ZNF540: variants seen among roughly 807,000 people sequenced by gnomAD.
ZNF540 encodes the protein CTD-3064H18.6.
A neutral mutation model predicts 11.8 loss-of-function variants in ZNF540; 3 were observed. That is an observed-to-expected ratio of 0.25 (90% CI 0.12 to 0.65). ZNF540 has a LOEUF of 0.65. Ranked by LOEUF, ZNF540 falls within the 30% of genes least tolerant of loss-of-function variation. The pLI, the probability that ZNF540 is intolerant of heterozygous loss-of-function variation, is 0.83. For synonymous variants in ZNF540, 247 were observed against 259.0 expected, an observed-to-expected ratio of 0.95 and a Z score of 0.45; for missense variants, 709 against 793.1, an observed-to-expected ratio of 0.89 and a Z score of 1.27.
rs1168989375 is a variant in ZNF540 at position 37,613,988 on chromosome 19, A to C, written c.*725A>C. ...CATGAGGTTACAGCAAGAAGTCAGC[A>C]GTCTACAGTGCAAAAGAGGGCCTTC... is the stretch of plus-strand genomic sequence containing the variant. On this transcript the variant is annotated 3_prime_UTR_variant, in exon 5 of 5. Transcript: ENST00000316433. The C allele has an allele frequency of 5.0e-6, 2 of 397,014 alleles. No homozygotes were observed. Among genetic ancestry groups the C allele is most frequent in the Non-Finnish European group, 8.9e-6 (2 of 225,378 alleles). 24.6% of individuals were successfully genotyped at this position (397,014 alleles called of 1,614,324 possible).
At chr19:37,588,099 C>CAAAAAAAAAAAAAAA (rs58516591) in intron 1 of ZNF540, among the ~76,000 whole-genome samples, 1 of 45,742 alleles carries the variant, frequency 2.2e-5, no homozygotes, top group African/African-American at 8.6e-5. Context: ...GACTCCATCT[C>CAAAAAAAAAAAAAAA]AAAAAAAAAA....
At chr19:37,552,633 A>C (rs2147133004) in intron 1 of ZNF540, among the ~76,000 whole-genome samples, 1 of 152,254 alleles carries the variant, frequency 6.6e-6, no homozygotes, top group Non-Finnish European at 1.5e-5. Flanking sequence ...ATCCCTGGTA[A>C]TATTCTTTGT....
Position 37,586,424 on chromosome 19 carries a change from C to A in ZNF540, c.-72-11952C>A, listed in dbSNP as rs2043675171. On this transcript the variant is annotated intron_variant, in intron 1 of 4. Coordinates refer to the ZNF540 transcript ENST00000592533. ...ATTTCTGTTCCCTCAGAGCTCTGGG[C>A]AGAAGACTATGCCTGTGGACAATGT... 5.4e-6 allele frequency: 3 copies of A among 551,906 alleles called. No individual in the cohort carries two copies. In the South Asian group the frequency reaches 7.2e-5, roughly 13 times the overall value. 34.2% of individuals were successfully genotyped at this position (551,906 alleles called of 1,614,324 possible).
intron 4 of ZNF540, among the ~76,000 whole-genome samples, chr19:37,609,871 AAAAAG>A (rs1202915015): frequency 6.6e-6 from 1 of 152,130 alleles, no homozygotes; most frequent in Non-Finnish European, 1.5e-5. Flanking sequence ...AGAAAGAAAA[AAAAAG>A]AAAAGAAAAA....
chr19:37,556,648 C>A (rs936380130), intron 1 of ZNF540, among the ~76,000 whole-genome samples: 1 of 152,190 alleles, frequency 6.6e-6, no homozygotes, highest in African/African-American at 2.4e-5. Context: ...AGGATGATAT[C>A]TTGTACCTGT....
chr19:37,599,587 C>G (rs1250090255), intron 2 of ZNF540, 39 bp from the exon 3 acceptor site: 1 of 1,612,742 alleles, frequency 6.2e-7, no homozygotes, highest in Non-Finnish European at 8.5e-7. Context: ...AATACTTGTT[C>G]TGTAATTTCA....
chr19:37,613,316 A>G lies in ZNF540; in HGVS notation c.*53A>G, dbSNP rs2044148525. The G allele has an allele frequency of 1.5e-6, 2 of 1,296,368 alleles. No individual in the cohort carries two copies. Among genetic ancestry groups the G allele is most frequent in the African/African-American group, 1.5e-5 (1 of 67,776 alleles). 80.3% of individuals were successfully genotyped at this position (1,296,368 alleles called of 1,614,324 possible). A position where few individuals can be genotyped will look rare whatever the true frequency, so the allele number is the denominator to read the frequency against. On this transcript the variant is annotated 3_prime_UTR_variant, in exon 5 of 5. Transcript: ENST00000316433. ...CTATTTATAGAATATCAAAATATTT[A>G]TGGCCAGAAGTTCTGTCAATGTGTT...
chr19:37,613,188 G>A lies in ZNF540; in HGVS notation c.1908G>A (p.Glu636=). The A allele has an allele frequency of 6.2e-7, 1 of 1,608,478 alleles. No individual in the cohort carries two copies. The highest frequency in any genetic ancestry group is 8.5e-7 in the Non-Finnish European group (1 of 1,176,892). The part of the protein sequence containing the change: ...QRIHTGEKPY[E]CKVCRKAFRQ... ...TTCACACTGGTGAGAAACCCTATGA[G>A]TGTAAGGTATGTAGAAAGGCCTTTA... Residue 636 remains glutamate (E), a synonymous_variant, in exon 5 of 5, where the codon GAG becomes GAA. Coordinates refer to ENST00000316433, the MANE Select transcript of ZNF540 (RefSeq NM_001172225.3).
intron 1 of ZNF540, among the ~76,000 whole-genome samples, chr19:37,572,002 G>GGACTGATGT (rs1555717228): frequency 1.0e-4 from 1 of 9,818 alleles, no homozygotes; most frequent in Non-Finnish European, 1.9e-4. Flanking sequence ...TATCCAAATA[G>GGACTGATGT]ACTATATGGC....
chr19:37,586,465 A>G (rs976078940), intron 1 of ZNF540: 1 of 617,610 alleles, frequency 1.6e-6, no homozygotes, highest in African/African-American at 1.9e-5. Flanking sequence ...TATCTGCTGA[A>G]TGAATATCTG....
intron 1 of ZNF540, among the ~76,000 whole-genome samples, chr19:37,557,844 C>G (rs1328830151): frequency 6.6e-6 from 1 of 152,106 alleles, no homozygotes; most frequent in Non-Finnish European, 1.5e-5. Flanking sequence ...AAATTTTGGC[C>G]CAGAGTTAAC....
At chr19:37,571,318 A>T (rs939785673) in intron 1 of ZNF540, among the ~76,000 whole-genome samples, 2 of 152,048 alleles carry the variant, frequency 1.3e-5, no homozygotes, top group South Asian at 4.1e-4. Flanking sequence ...AACATGGTGA[A>T]ACTCCCAGCT....
chr19:37,596,405 G>A (rs1478489270), intron 1 of ZNF540, among the ~76,000 whole-genome samples: 6 of 152,046 alleles, frequency 3.9e-5, no homozygotes, highest in Non-Finnish European at 7.4e-5. Flanking sequence ...TGGGTTCAAG[G>A]GATCCTCCAG....
intron 1 of ZNF540, among the ~76,000 whole-genome samples, chr19:37,573,464 C>T (rs964315127): frequency 2.0e-5 from 3 of 152,142 alleles, no homozygotes; most frequent in African/African-American, 7.2e-5. Flanking sequence ...CTAGTTTTAG[C>T]CTTACTTCAT....
intron 1 of ZNF540, among the ~76,000 whole-genome samples, chr19:37,572,276 T>A (rs1600482086): frequency 6.6e-6 from 1 of 152,328 alleles, no homozygotes; most frequent in East Asian, 1.9e-4. Flanking sequence ...AAGGTTTTAC[T>A]TTGTGTGGTT....
At chr19:37,600,897 G>T in intron 3 of ZNF540, 113 bp from the exon 4 acceptor site, 1 of 883,446 alleles carries the variant, frequency 1.1e-6, no homozygotes, top group East Asian at 2.8e-5. Flanking sequence ...AGTTTTTTCC[G>T]AAGTCTTCAT....
At chr19:37,564,628 T>C (rs759166206) in intron 1 of ZNF540, 1 of 1,560,962 alleles carries the variant, frequency 6.4e-7, no homozygotes, top group African/African-American at 1.4e-5. Flanking sequence ...GTTGAGTAAG[T>C]TGTGAAGGAC....
intron 1 of ZNF540, chr19:37,566,484 G>A: frequency 1.7e-6 from 1 of 599,738 alleles, no homozygotes; most frequent in Non-Finnish European, 2.7e-6. Flanking sequence ...TAGGAAAGAA[G>A]GTAATTAGAA....
chr19:37,594,769 C>T (rs530709427), upstream of ZNF540: 1 of 152,302 alleles, frequency 6.6e-6, no homozygotes, highest in East Asian at 1.9e-4. Flanking sequence ...CTCCGTGCGT[C>T]AAGACATAAC....
Sources: gnomAD v4.1 joint callset for allele counts (sites outside exome capture counted in the v4.1 genomes callset) on GRCh38, gnomAD v4.1.1 for gene constraint, MANE v1.5 for transcripts, NCBI Gene and HGNC (gene_info 2026-07-23, HGNC 2026-07-21) for gene names.